CHD2: variants seen among roughly 807,000 people sequenced by gnomAD.
CHD2 encodes the protein chromodomain helicase DNA binding protein 2, also known as ATP-dependent chromatin remodeler CHD2.
A neutral mutation model predicts 243.9 loss-of-function variants in CHD2; 28 were observed. That is an observed-to-expected ratio of 0.11 (90% CI 0.09 to 0.16). The LOEUF (loss-of-function observed/expected upper bound fraction) is 0.16. Ranked by LOEUF, CHD2 falls within the 10% of genes least tolerant of loss-of-function variation. CHD2 has a pLI of 1.00. For missense variants in CHD2, 1,386 were observed against 2,209.8 expected (o/e 0.63, Z 7.47); for synonymous variants, 775 against 779.0 (o/e 0.99, Z 0.09).
intron 13 of CHD2, 172 bp downstream of exon 13, chr15:92,949,248 T>G: frequency 7.0e-7 from 1 of 1,425,934 alleles, no homozygotes; most frequent in Non-Finnish European, 9.1e-7. Context: ...TTCCTGGGAG[T>G]TTTTATGTAT....
At position 92,941,973 on chromosome 15, in the gene CHD2, G is replaced by A; in HGVS notation, c.826+18G>A. 1 of 1,603,342 alleles carries A rather than the reference G, an allele frequency of 6.2e-7. No individual in the cohort carries two copies. The highest frequency in any genetic ancestry group is 8.5e-7 in the Non-Finnish European group (1 of 1,175,262). On this transcript the variant is annotated intron_variant, in intron 8 of 38. Coordinates refer to ENST00000394196, the MANE Select transcript of CHD2 (RefSeq NM_001271.4). ...GAAAGGAGGTATGTGTATTTGGGGA[G>A]CAAATTACATTTTATGTATGCTTAG...
At chr15:92,907,907 T>C (rs1012007485) in intron 2 of CHD2, among the ~76,000 whole-genome samples, 3 of 152,142 alleles carry the variant, frequency 2.0e-5, no homozygotes, top group Admixed American at 1.3e-4. Context: ...AGAGTTTGTT[T>C]AGGCCAGTTA....
intron 11 of CHD2, 50 bp downstream of exon 11, chr15:92,945,915 G>GT: frequency 6.7e-7 from 1 of 1,491,664 alleles, no homozygotes; most frequent in Non-Finnish European, 9.2e-7. Context: ...TCAGAACAGT[G>GT]TATGTTTTGC....
chr15:92,972,466 G>A (rs763505504), intron 19 of CHD2, 49 bp downstream of exon 19: 19 of 1,495,748 alleles, frequency 1.3e-5, no homozygotes, highest in South Asian at 7.8e-5. Context: ...CTCTCTCTCC[G>A]CCTCCCCTCC....
chr15:92,998,610 G>C lies in CHD2; in HGVS notation c.3997G>C (p.Gly1333Arg), dbSNP rs765941790. 2 of 1,612,646 alleles carry C rather than the reference G, an allele frequency of 1.2e-6. No homozygotes were observed. The highest frequency in any genetic ancestry group is 3.3e-5 in the Admixed American group (2 of 60,010). ...TCTGGAGAAGAAGGGGGCTGTGACA[G>C]GTGGGGAAGAGGTGAGTACGCTGCC... is the stretch of plus-strand genomic sequence containing the variant. ...KGLEKKGAVT[G>R]GEEAKLKKRK... is the part of the protein sequence containing the mutation. Residue 1333 changes from glycine (G) to arginine (R), a missense_variant, in exon 31 of 39, where the codon GGT (glycine) becomes CGT (arginine). Gly to Arg is a moderately radical substitution (Grantham distance 125, BLOSUM62 -2). Around this residue, in one of 19 missense-constraint regions of CHD2, gnomAD observed 125 missense variants for 128.9 expected, o/e 0.97. Transcript: ENST00000394196. The surrounding 1 kb of genome is among the most constrained non-coding windows in gnomAD (Gnocchi z 5.1).
At chr15:92,912,060 C>T (rs1187301275) in intron 2 of CHD2, among the ~76,000 whole-genome samples, 1 of 152,170 alleles carries the variant, frequency 6.6e-6, no homozygotes. Context: ...CTCGGAACTT[C>T]ACCTTTGTGC....
intron 27 of CHD2, among the ~76,000 whole-genome samples, chr15:92,992,220 A>ATG (rs1447062306): frequency 6.6e-6 from 1 of 152,176 alleles, no homozygotes; most frequent in Admixed American, 6.5e-5. Flanking sequence ...GGAGGTAGTG[A>ATG]TGTGTAGCAT....
At chr15:92,990,577 C>G (rs1053921406) in intron 26 of CHD2, among the ~76,000 whole-genome samples, 1 of 152,128 alleles carries the variant, frequency 6.6e-6, no homozygotes, top group Admixed American at 6.5e-5. Flanking sequence ...AGGAGTAATC[C>G]TCAGGTTTTG....
At chr15:92,940,903 AAT>A (rs1164978823) in intron 7 of CHD2, among the ~76,000 whole-genome samples, 5,542 of 94,622 alleles carry the variant, frequency 0.059, 144 homozygotes, top group Non-Finnish European at 0.069. Flanking sequence ...AATATATATA[AAT>A]ATATATATAA....
chr15:92,947,921 G>GA (rs1382340266), intron 12 of CHD2, among the ~76,000 whole-genome samples: 1 of 152,128 alleles, frequency 6.6e-6, no homozygotes, highest in Non-Finnish European at 1.5e-5. Context: ...AAAGTCCCCT[G>GA]AAAAAAGACT....
chr15:93,023,131 C>T (rs1401999751), intron 38 of CHD2, among the ~76,000 whole-genome samples: 2 of 152,214 alleles, frequency 1.3e-5, no homozygotes, highest in Admixed American at 1.3e-4. Context: ...AGTTCCAAAA[C>T]ACTTTCATCA....
intron 2 of CHD2, among the ~76,000 whole-genome samples, chr15:92,910,496 G>T (rs1477047866): frequency 1.3e-5 from 2 of 152,090 alleles, no homozygotes; most frequent in Non-Finnish European, 2.9e-5. Flanking sequence ...AGGTTCAAGC[G>T]ATTGTTCTGC....
At chr15:92,970,860 A>T (rs1321085708) in intron 17 of CHD2, among the ~76,000 whole-genome samples, 2 of 152,292 alleles carry the variant, frequency 1.3e-5, no homozygotes, top group African/African-American at 4.8e-5. Context: ...TTTCTAAGAG[A>T]AGCATGAAGA....
intron 6 of CHD2, among the ~76,000 whole-genome samples, chr15:92,937,830 CAT>C (rs1329399825): frequency 4.6e-5 from 7 of 152,218 alleles, no homozygotes; most frequent in African/African-American, 1.7e-4. Context: ...GTGGGGCAAA[CAT>C]GTCTTCCGCT....
intron 13 of CHD2, among the ~76,000 whole-genome samples, chr15:92,950,116 G>A (rs1032970489): frequency 1.2e-4 from 18 of 152,288 alleles, no homozygotes; most frequent in East Asian, 9.6e-4. Context: ...GGGCACGTTC[G>A]GACATGTCTG....
Position 92,945,394 on chromosome 15 carries a change from TC to T in CHD2, c.1154-426del, listed in dbSNP as rs201428312. ...AGAATTTTTTTCTTCTTCTTCTTCTTCTTTTTTTTTTTTTTGAGATGGTGTC... is the reference window on the plus strand; with the variant it reads ...AGAATTTTTTTCTTCTTCTTCTTCTTTTTTTTTTTTTTTTGAGATGGTGTC... On this transcript the variant is annotated intron_variant, in intron 10 of 38. Transcript: ENST00000394196. 119 of 97,286 alleles carry T rather than the reference TC, an allele frequency of 1.2e-3. 4 individuals are homozygous for T. The East Asian group carries it at 0.023, about 19-fold the overall frequency. 6.0% of individuals were successfully genotyped at this position (97,286 alleles called of 1,614,324 possible).
chr15:92,964,909 T>G (rs1054262076), intron 16 of CHD2, among the ~76,000 whole-genome samples: 9 of 152,238 alleles, frequency 5.9e-5, no homozygotes, highest in African/African-American at 2.2e-4. Context: ...TTTTTACTTC[T>G]GTCGTCTAGG....
At chr15:93,021,396 G>A (rs2054533358) in intron 38 of CHD2, 1 of 151,940 alleles carries the variant, frequency 6.6e-6, no homozygotes, top group African/African-American at 2.4e-5. Context: ...TGGATCTGTG[G>A]GTTTATTGTT....
chr15:92,947,115 T>TA (rs1457639288), intron 12 of CHD2: 2 of 152,206 alleles, frequency 1.3e-5, no homozygotes, highest in Non-Finnish European at 2.9e-5. Context: ...AGACAAGTGA[T>TA]ACGTCTCTGA....
Sources: gnomAD v4.1 joint callset for allele counts (sites outside exome capture counted in the v4.1 genomes callset) on GRCh38, gnomAD v4.1.1 for gene constraint, gnomAD v4.1.1 regional missense constraint, Gnocchi (gnomAD v3.1) non-coding constraint, MANE v1.5 for transcripts, NCBI Gene and HGNC (gene_info 2026-07-23, HGNC 2026-07-21) for gene names.